The following CAPN13 variants were observed in gnomAD, a reference collection of about 807,000 sequenced individuals.
CAPN13 encodes the protein calpain 13, also known as calpain-13.
A neutral mutation model predicts 98.4 loss-of-function variants in CAPN13; 90 were observed. The ratio of observed to expected loss-of-function variants is 0.92; its 90% CI spans 0.77 to 1.09. The LOEUF (loss-of-function observed/expected upper bound fraction) is 1.09, where lower values mean the gene tolerates loss of function less well. Among genes scored for constraint, CAPN13 ranks in the 50% least tolerant of loss-of-function variants. CAPN13 has a pLI of 0.00. For synonymous variants in CAPN13, 330 were observed against 305.5 expected, an observed-to-expected ratio of 1.08 and a Z score of -0.84; for missense variants, 887 against 841.3, an observed-to-expected ratio of 1.05 and a Z score of -0.67.
chr2:30,752,752 T>C (rs1456304184), intron 10 of CAPN13, among the ~76,000 whole-genome samples: 2 of 152,158 alleles, frequency 1.3e-5, no homozygotes, highest in Non-Finnish European at 2.9e-5. Context: ...GTCCTGGACA[T>C]TTACTGGAGG....
At chr2:30,803,088 T>G (rs1675390056) in intron 1 of CAPN13, among the ~76,000 whole-genome samples, 1 of 152,186 alleles carries the variant, frequency 6.6e-6, no homozygotes, top group South Asian at 2.1e-4. Flanking sequence ...TATCTTAAGT[T>G]CCTGCAGAAA....
intron 9 of CAPN13, 91 bp from the exon 10 acceptor site, chr2:30,753,289 G>T: frequency 2.3e-6 from 3 of 1,323,484 alleles, no homozygotes; most frequent in African/African-American, 1.4e-5. Flanking sequence ...CCACTGTCCT[G>T]CCCAGAGGCC....
At chr2:30,797,760 G>A (rs910789439) in intron 1 of CAPN13, among the ~76,000 whole-genome samples, 20 of 152,246 alleles carry the variant, frequency 1.3e-4, no homozygotes, top group South Asian at 4.1e-4. Flanking sequence ...CTTTCCATGC[G>A]TTGAGACTGT....
Position 30,734,542 on chromosome 2 carries a change from G to A in CAPN13, c.1723-18C>T, listed in dbSNP as rs1349949473. 1.2e-6 allele frequency: 2 copies of A among 1,603,496 alleles called. No individual in the cohort carries two copies. Among genetic ancestry groups the A allele is most frequent in the Admixed American group, 3.3e-5 (2 of 59,912 alleles). On this transcript the variant is annotated intron_variant, in intron 18 of 22. Transcript: ENST00000295055. ...AAAACATGCTAATAGGGGAAGAGAA[G>A]CAAGAAGTCTGTGTGAAGACTGGGA...
At chr2:30,724,332 A>T (rs1377480981) in intron 22 of CAPN13, among the ~76,000 whole-genome samples, 1 of 152,110 alleles carries the variant, frequency 6.6e-6, no homozygotes, top group African/African-American at 2.4e-5. Context: ...ATTCTTCCAA[A>T]GCTCTCCAGC....
intron 18 of CAPN13, among the ~76,000 whole-genome samples, chr2:30,735,058 A>G (rs1276189741): frequency 6.6e-6 from 1 of 152,224 alleles, no homozygotes; most frequent in African/African-American, 2.4e-5. Context: ...TGAATGGTCT[A>G]TAGAAAATAT....
chr2:30,736,543 T>C lies in CAPN13; in HGVS notation c.1682A>G (p.Glu561Gly). 6.2e-7 allele frequency: 1 copy of C among 1,613,992 alleles called. No homozygotes were observed. Among genetic ancestry groups the C allele is most frequent in the Non-Finnish European group, 8.5e-7 (1 of 1,179,892 alleles). ...ELKVNGRLDQ[E>G]EFARLWKRLV... ...GCGCTTCCACAGTCGCGCAAACTCC[T>C]CTTGGTCTAGCCGCCCATTCACTTT... The change falls in exon 18 of 23, where the codon GAG (glutamate) becomes GGG (glycine). Residue 561 changes from glutamate (E) to glycine (G), a missense_variant. Coordinates refer to ENST00000295055, the MANE Select transcript of CAPN13 (RefSeq NM_144575.3).
chr2:30,741,866 T>G (rs1222634196), intron 15 of CAPN13, 42 bp downstream of exon 15: 3 of 1,613,654 alleles, frequency 1.9e-6, no homozygotes, highest in Non-Finnish European at 1.7e-6. Context: ...AGGTCCCCTT[T>G]CTCCAATCCC....
At chr2:30,798,217 T>G (rs1179996834) in intron 1 of CAPN13, among the ~76,000 whole-genome samples, 9 of 152,254 alleles carry the variant, frequency 5.9e-5, no homozygotes, top group Admixed American at 5.9e-4. Flanking sequence ...TGCATTTAAA[T>G]GTAAATATTC....
intron 10 of CAPN13, among the ~76,000 whole-genome samples, chr2:30,752,183 G>T (rs1291162572): frequency 6.6e-6 from 1 of 152,202 alleles, no homozygotes; most frequent in Non-Finnish European, 1.5e-5. Flanking sequence ...AGGTAAAAAA[G>T]AGGGACACCC....
At chr2:30,799,665 G>A (rs1675073154) in intron 1 of CAPN13, among the ~76,000 whole-genome samples, 1 of 152,176 alleles carries the variant, frequency 6.6e-6, no homozygotes, top group Non-Finnish European at 1.5e-5. Flanking sequence ...GGGCTGAGAG[G>A]GGCAGAGGTA....
At chr2:30,800,391 C>G (rs996555432) in intron 1 of CAPN13, among the ~76,000 whole-genome samples, 1 of 152,208 alleles carries the variant, frequency 6.6e-6, no homozygotes, top group Non-Finnish European at 1.5e-5. Context: ...CCTTACTGCC[C>G]TTGCTGTGTG....
At chr2:30,740,506 T>C (rs1671601982) in intron 15 of CAPN13, among the ~76,000 whole-genome samples, 2 of 152,224 alleles carry the variant, frequency 1.3e-5, no homozygotes, top group Admixed American at 1.3e-4. Flanking sequence ...ACACAGACCC[T>C]GAGGACAGTT....
intron 1 of CAPN13, among the ~76,000 whole-genome samples, chr2:30,788,175 A>G (rs1302703642): frequency 6.6e-6 from 1 of 152,254 alleles, no homozygotes; most frequent in African/African-American, 2.4e-5. Context: ...CATCAGCTAC[A>G]TACTGCTTCT....
chr2:30,794,529 C>A (rs1674759665), intron 1 of CAPN13, among the ~76,000 whole-genome samples: 1 of 151,880 alleles, frequency 6.6e-6, no homozygotes, highest in Non-Finnish European at 1.5e-5. Flanking sequence ...CAAAATGATC[C>A]AGCCATTCCA....
At chr2:30,759,058 CCCTCCCTCCCT>C (rs772401897) in intron 7 of CAPN13, among the ~76,000 whole-genome samples, 12,606 of 33,808 alleles carry the variant, frequency 0.37, 940 homozygotes, top group African/African-American at 0.41. Flanking sequence ...TTCCTTCCCT[CCCTCCCTCCCT>C]CCTCCCTCCC....
intron 5 of CAPN13, among the ~76,000 whole-genome samples, chr2:30,769,704 G>C (rs1164116919): frequency 1.3e-5 from 2 of 152,200 alleles, no homozygotes; most frequent in Non-Finnish European, 2.9e-5. Flanking sequence ...TCTTAAGCTT[G>C]TCAGCACCTA....
intron 1 of CAPN13, among the ~76,000 whole-genome samples, chr2:30,791,704 C>T (rs1674616975): frequency 1.3e-5 from 2 of 152,194 alleles, no homozygotes; most frequent in African/African-American, 4.8e-5. Context: ...GACTCAAGTC[C>T]TCATTCTGCC....
rs565613128 is a variant in CAPN13, at chr2:30,737,826, C to T, written c.1653+409G>A. On this transcript the variant is annotated intron_variant, in intron 17 of 22. Transcript: ENST00000295055. ...GCATCGACTTTGGAGGCTGAAAGCT[C>T]CAACTTCAAATCTGAGCATGAGTCC... 1.9e-5 allele frequency: 4 copies of T among 211,118 alleles called. No homozygotes were observed. The East Asian group carries it at 4.0e-4, about 21-fold the overall frequency. The allele number at this position is 211,118 out of a possible 1,614,324, so 13.1% of individuals were successfully genotyped here.
Sources: allele counts gnomAD v4.1 joint callset (sites outside exome capture counted in the v4.1 genomes callset), GRCh38; gene constraint gnomAD v4.1.1; transcripts MANE v1.5; gene names NCBI Gene and HGNC (gene_info 2026-07-23, HGNC 2026-07-21).